Variants in AQP9 observed in about 807,000 individuals in gnomAD.
AQP9 encodes the protein aquaporin 9.
In AQP9, 19 loss-of-function variants were observed where a neutral mutation model predicts 23.8. The ratio of observed to expected loss-of-function variants is 0.80; its 90% CI spans 0.56 to 1.17. The LOEUF (loss-of-function observed/expected upper bound fraction) is 1.17. AQP9 is among the 50% of genes most tolerant of loss of function. AQP9 has a pLI of 0.00. For synonymous variants in AQP9, 153 were observed against 131.5 expected, an observed-to-expected ratio of 1.16 and a Z score of -1.12; for missense variants, 413 against 362.0, an observed-to-expected ratio of 1.14 and a Z score of -1.14.
At chr15:58,179,105 T>C in intron 4 of AQP9, 23 bp from the exon 5 acceptor site, 3 of 1,553,548 alleles carry the variant, frequency 1.9e-6, no homozygotes, top group Non-Finnish European at 2.7e-6. Context: ...GCTAAAGCCC[T>C]GGCTCAACTT....
At chr15:58,170,657 C>T (rs1898600133) in intron 2 of AQP9, among the ~76,000 whole-genome samples, 1 of 152,086 alleles carries the variant, frequency 6.6e-6, no homozygotes, top group Admixed American at 6.6e-5. Flanking sequence ...CTCGCCTTGG[C>T]CTCCCAAAGT....
intron 2 of AQP9, 108 bp downstream of exon 2, chr15:58,166,907 G>A: frequency 7.2e-6 from 10 of 1,387,592 alleles, no homozygotes; most frequent in East Asian, 2.6e-5. Context: ...CAAAAATCCT[G>A]CAAGAGTGTG....
chr15:58,170,035 G>A (rs1298334703), intron 2 of AQP9, among the ~76,000 whole-genome samples: 4 of 152,068 alleles, frequency 2.6e-5, no homozygotes, highest in Non-Finnish European at 4.4e-5. Flanking sequence ...CTGTGCCCGC[G>A]GGCCCTTTAT....
In AQP9 at chr15:58,184,098, AC is replaced by A; in HGVS notation, c.852del (p.Asp284GlufsTer51). 6.2e-7 allele frequency: 1 copy of A among 1,614,056 alleles called. No individual in the cohort carries two copies. Among genetic ancestry groups the A allele is most frequent in the Non-Finnish European group, 8.5e-7 (1 of 1,179,974 alleles). Reference protein sequence around the residue: ...DSVFKTEQSEDKPEKYELSVI... With the variant: ...DSVFKTEQSEXKPEKYELSVI... ...GTCTTTAAGACAGAACAATCTGAGG[AC>A]AAACCAGAGAAATATGAACTCAGTG... On this transcript the variant is annotated frameshift_variant, in exon 6 of 6. Coordinates refer to ENST00000219919, the MANE Select transcript of AQP9 (RefSeq NM_020980.5). LOFTEE classifies it high-confidence loss of function.
intron 1 of AQP9, among the ~76,000 whole-genome samples, chr15:58,163,509 A>G (rs944602459): frequency 1.3e-5 from 2 of 152,166 alleles, no homozygotes; most frequent in Non-Finnish European, 2.9e-5. Context: ...AAGATTATGC[A>G]CTTGGAAGGT....
chr15:58,168,862 G>A (rs550318200), intron 2 of AQP9, among the ~76,000 whole-genome samples: 51 of 152,304 alleles, frequency 3.3e-4, no homozygotes, highest in African/African-American at 1.2e-3. Flanking sequence ...TAATGTAGGT[G>A]TAGCCATATT....
intron 3 of AQP9, among the ~76,000 whole-genome samples, chr15:58,174,548 T>C (rs901267339): frequency 1.3e-5 from 2 of 152,148 alleles, no homozygotes; most frequent in Admixed American, 1.3e-4. Context: ...TAGGGGTTAC[T>C]GAGAGCCCTC....
At chr15:58,147,260 C>A (rs61999935) in intron 1 of AQP9, among the ~76,000 whole-genome samples, 1 of 151,896 alleles carries the variant, frequency 6.6e-6, no homozygotes, top group South Asian at 2.1e-4. Context: ...TCTTTAGTGA[C>A]GAATCCCATT....
chr15:58,161,899 C>A (rs1277920426), intron 1 of AQP9, among the ~76,000 whole-genome samples: 1 of 152,026 alleles, frequency 6.6e-6, no homozygotes, highest in African/African-American at 2.4e-5. Context: ...ATTTACATTG[C>A]CAACAAGTGT....
intron 4 of AQP9, among the ~76,000 whole-genome samples, chr15:58,178,346 A>G (rs749835048): frequency 6.6e-5 from 10 of 152,216 alleles, no homozygotes; most frequent in Admixed American, 6.5e-5. Context: ...GCTATACAGT[A>G]GACTAAAAAA....
Position 58,179,205 on chromosome 15 carries a change from A to G in AQP9, c.573A>G (p.Leu191=), listed in dbSNP as rs758818579. Residue 191 remains leucine (L), a synonymous_variant, in exon 5 of 6, where the codon CTA becomes CTG. Coordinates refer to ENST00000219919, the MANE Select transcript of AQP9 (RefSeq NM_020980.5). ...DSRNLGAPRG[L]EPIAIGLLII... ...GAAACTTGGGAGCCCCCAGAGGCCT[A>G]GAGCCCATTGCCATCGGCCTCCTGA... 1.2e-6 allele frequency: 2 copies of G among 1,614,050 alleles called. No homozygotes were observed. The highest frequency in any genetic ancestry group is 1.7e-5 in the Admixed American group (1 of 60,012).
rs1899013432 is a variant in AQP9, at chr15:58,185,629, A to G, written c.*1494A>G. ...CAGTCTTTTCCCCTTGAAGTTCTCT[A>G]ATAGATGTTACTTTTGACAAAAGAT... On this transcript the variant is annotated 3_prime_UTR_variant, in exon 6 of 6. Transcript: ENST00000219919. The G allele has an allele frequency of 1.3e-5, 2 of 152,164 alleles. No homozygotes were observed. Among genetic ancestry groups the G allele is most frequent in the African/African-American group, 2.4e-5 (1 of 41,430 alleles). 9.4% of individuals were successfully genotyped at this position (152,164 alleles called of 1,614,324 possible).
intron 1 of AQP9, among the ~76,000 whole-genome samples, chr15:58,149,226 T>C (rs1451100067): frequency 7.3e-6 from 1 of 136,246 alleles, no homozygotes; most frequent in Non-Finnish European, 1.6e-5. Flanking sequence ...GGCTCCAGAT[T>C]CAGAAACTGT....
chr15:58,179,041 T>C, intron 4 of AQP9, 87 bp from the exon 5 acceptor site: 1 of 931,006 alleles, frequency 1.1e-6, no homozygotes. Context: ...TATTGTAATA[T>C]TGTAAAATAG....
intron 1 of AQP9, among the ~76,000 whole-genome samples, chr15:58,144,411 A>G (rs114816254): frequency 0.016 from 2,475 of 152,266 alleles, 46 homozygotes; most frequent in African/African-American, 0.045. Context: ...TGACATTCCT[A>G]TCATACACCT....
Position 58,166,698 on chromosome 15 carries a change from A to T in AQP9, c.137A>T (p.Gln46Leu). 6.2e-7 allele frequency: 1 copy of T among 1,611,884 alleles called. No homozygotes were observed. The highest frequency in any genetic ancestry group is 1.3e-5 in the African/African-American group (1 of 74,922). Residue 46 changes from glutamine (Q) to leucine (L), a missense_variant, in exon 2 of 6, where the codon CAA becomes CTA. Transcript: ENST00000219919. The part of the protein sequence containing the change: ...LIVLGCGCVA[Q>L]AILSRGRFGG... ...GTCCTTGGATGTGGCTGTGTTGCCC[A>T]AGCTATTCTCAGTCGAGGACGTTTT... is the stretch of plus-strand genomic sequence containing the variant.
chr15:58,148,071 A>G (rs1384208776), intron 1 of AQP9, among the ~76,000 whole-genome samples: 1 of 152,186 alleles, frequency 6.6e-6, no homozygotes, highest in Non-Finnish European at 1.5e-5. Context: ...AAACTTGTAC[A>G]TATTCATATG....
chr15:58,174,582 A>C (rs1279490689), intron 3 of AQP9, among the ~76,000 whole-genome samples: 1 of 152,232 alleles, frequency 6.6e-6, no homozygotes, highest in South Asian at 2.1e-4. Flanking sequence ...TTATTCCTAG[A>C]GCAAGACCAA....
At chr15:58,138,829 G>C (rs1566978417) in intron 1 of AQP9, 153 bp downstream of exon 1, 1 of 644,214 alleles carries the variant, frequency 1.6e-6, no homozygotes, top group Non-Finnish European at 2.7e-6. Flanking sequence ...GAGGCTGTTT[G>C]ACTATTTAGG....
Sources: gnomAD v4.1 joint callset for allele counts (sites outside exome capture counted in the v4.1 genomes callset) on GRCh38, gnomAD v4.1.1 for gene constraint, MANE v1.5 for transcripts, NCBI Gene and HGNC (gene_info 2026-07-23, HGNC 2026-07-21) for gene names.